The following UNC80 variants were observed in gnomAD, a reference collection of about 807,000 sequenced individuals.
UNC80 encodes the protein protein unc-80 homolog.
A neutral mutation model predicts 384.6 loss-of-function variants in UNC80; 164 were observed. That is an observed-to-expected ratio of 0.43 (90% CI 0.38 to 0.49). UNC80 has a LOEUF of 0.49. UNC80 is among the 20% of genes least tolerant of loss of function. The probability of loss-of-function intolerance (pLI) is 0.00; values close to 1 mark genes in which losing one functional copy is unlikely to be tolerated. For synonymous variants in UNC80, 1,486 were observed against 1,527.8 expected, an observed-to-expected ratio of 0.97 and a Z score of 0.64; for missense variants, 3,330 against 4,143.0, an observed-to-expected ratio of 0.80 and a Z score of 5.39.
intron 7 of UNC80, among the ~76,000 whole-genome samples, chr2:209,800,695 G>A (rs1050906578): frequency 5.9e-5 from 9 of 152,074 alleles, no homozygotes; most frequent in Non-Finnish European, 1.3e-4. Context: ...TGGACATTTA[G>A]TGCTATAAAT....
At chr2:209,930,162 A>G (rs1202415941) in intron 37 of UNC80, among the ~76,000 whole-genome samples, 191 bp downstream of exon 37, 3 of 152,028 alleles carry the variant, frequency 2.0e-5, no homozygotes, top group Non-Finnish European at 2.9e-5. Context: ...CCATTAATTC[A>G]TGTTTCTATA....
At chr2:209,993,478 A>G (rs1371806029) in intron 63 of UNC80, 52 bp downstream of exon 63, 1 of 1,483,800 alleles carries the variant, frequency 6.7e-7, no homozygotes, top group Non-Finnish European at 9.2e-7. Flanking sequence ...ATGCCATGCA[A>G]CTCACCCAGG....
In UNC80 at chr2:209,984,924, A is replaced by G. The variant is rs897898538; in HGVS notation, c.9314+12A>G. On this transcript the variant is annotated intron_variant, in intron 61 of 64. Coordinates refer to ENST00000673920, the MANE Select transcript of UNC80 (RefSeq NM_001371986.1). Reference sequence around the variant, plus strand: ...GGCAGCCTCTCTAGGTACAGTGTCAATGCTACCTGTCTATTGGTGTCTGTG... The same window carrying G: ...GGCAGCCTCTCTAGGTACAGTGTCAGTGCTACCTGTCTATTGGTGTCTGTG... 1.9e-5 allele frequency: 29 copies of G among 1,549,470 alleles called. No homozygotes were observed. The highest frequency in any genetic ancestry group is 1.7e-4 in the Middle Eastern group (1 of 5,984).
At position 209,927,102 on chromosome 2, in the gene UNC80, C is replaced by A. The variant is rs954711366; in HGVS notation, c.5806+116C>A. ...TGGCCACATGTTGAACTGTTTTATG[C>A]ACATATTATAATTACAGATTTGTAA... is the stretch of plus-strand genomic sequence containing the variant. On this transcript the variant is annotated intron_variant, in intron 36 of 64. Transcript: ENST00000673920. The A allele has an allele frequency of 6.3e-6, 7 of 1,114,140 alleles. No homozygotes were observed. The Admixed American group carries it at 1.5e-4, about 23-fold the overall frequency. The allele number at this position is 1,114,140 out of a possible 1,614,324, so 69.0% of individuals were successfully genotyped here. A position where few individuals can be genotyped will look rare whatever the true frequency, so the allele number is the denominator to read the frequency against.
chr2:209,986,959 C>T (rs1308123653), intron 61 of UNC80, among the ~76,000 whole-genome samples: 1 of 152,176 alleles, frequency 6.6e-6, no homozygotes, highest in Non-Finnish European at 1.5e-5. Context: ...GCTGCAGACT[C>T]TTAAAATCCT....
chr2:209,783,854 A>G (rs377673845), intron 4 of UNC80, among the ~76,000 whole-genome samples: 31 of 152,284 alleles, frequency 2.0e-4, no homozygotes, highest in Admixed American at 5.2e-4. Flanking sequence ...AGATTTGCTT[A>G]ATGTTAATTT....
At position 209,842,263 on chromosome 2, in the gene UNC80, C is replaced by T. The variant is rs1574690657; in HGVS notation, c.3358-87C>T. On this transcript the variant is annotated intron_variant, in intron 20 of 64. Transcript: ENST00000673920. The stretch of plus-strand genomic sequence containing the variant: ...TAATAGTATGAAAATGAGTAAACAA[C>T]TCATTTTCAAGTCAAGAGTTGATCT... 20 of 975,436 alleles carry T rather than the reference C, an allele frequency of 2.1e-5. No individual in the cohort carries two copies. In the Middle Eastern group the frequency reaches 1.1e-3, roughly 53 times the overall value. The allele number at this position is 975,436 out of a possible 1,614,324, so 60.4% of individuals were successfully genotyped here. A position where few individuals can be genotyped will look rare whatever the true frequency, so the allele number is the denominator to read the frequency against.
intron 25 of UNC80, 55 bp from the exon 26 acceptor site, chr2:209,888,040 C>A: frequency 1.3e-6 from 2 of 1,523,484 alleles, no homozygotes; most frequent in Non-Finnish European, 1.8e-6. Flanking sequence ...TGCCGCGAGA[C>A]CAATGCAGTG....
At chr2:209,912,072 C>T (rs559650882) in intron 29 of UNC80, among the ~76,000 whole-genome samples, 1 of 152,226 alleles carries the variant, frequency 6.6e-6, no homozygotes, top group African/African-American at 2.4e-5. Context: ...CCTAACACTT[C>T]TCTATGAAAT....
At chr2:209,864,639 C>T (rs780032535) in intron 22 of UNC80, among the ~76,000 whole-genome samples, 13 of 152,184 alleles carry the variant, frequency 8.5e-5, no homozygotes, top group African/African-American at 2.4e-4. Context: ...GCACTCTGGC[C>T]GCAGACTGCC....
intron 21 of UNC80, among the ~76,000 whole-genome samples, chr2:209,848,315 G>GA (rs199620650): frequency 0.013 from 1,945 of 151,840 alleles, 45 homozygotes; most frequent in African/African-American, 0.043. Flanking sequence ...ATACTAACTG[G>GA]AAAAAAACAC....
chr2:209,905,924 A>G (rs1387534836), intron 29 of UNC80, among the ~76,000 whole-genome samples: 1 of 152,226 alleles, frequency 6.6e-6, no homozygotes, highest in African/African-American at 2.4e-5. Context: ...GTCACAGCCA[A>G]GATGCCTGAC....
At position 209,945,079 on chromosome 2, in the gene UNC80, G is replaced by T. The variant is rs1180739805; in HGVS notation, c.7079G>T (p.Gly2360Val). Reference sequence around the variant, plus strand: ...GCTGCCAATAATGGGCCCAGCAAAGGTGTGTCAGCTCAGTGCCTGTTTGAC... The same window carrying T: ...GCTGCCAATAATGGGCCCAGCAAAGTTGTGTCAGCTCAGTGCCTGTTTGAC... ...PDAANNGPSK[G>V]VSAQCLFDLL... is the part of the protein sequence containing the mutation. Residue 2360 changes from glycine to valine, a missense_variant, in exon 46 of 65, where the codon GGT (glycine) becomes GTT (valine). Transcript: ENST00000673920. 1 of 1,551,490 alleles carries T rather than the reference G, an allele frequency of 6.4e-7. No individual in the cohort carries two copies. The highest frequency in any genetic ancestry group is 8.7e-7 in the Non-Finnish European group (1 of 1,146,806).
chr2:209,958,152 C>T (rs1292897117), intron 49 of UNC80, among the ~76,000 whole-genome samples: 1 of 152,176 alleles, frequency 6.6e-6, no homozygotes, highest in Admixed American at 6.5e-5. Flanking sequence ...TTCATCCAAA[C>T]TTTGACATAT....
intron 29 of UNC80, among the ~76,000 whole-genome samples, chr2:209,907,261 C>G (rs1378186380): frequency 2.0e-5 from 3 of 149,506 alleles, no homozygotes; most frequent in Non-Finnish European, 4.4e-5. Flanking sequence ...CCATGCTGAG[C>G]CCATACTTTG....
intron 22 of UNC80, among the ~76,000 whole-genome samples, chr2:209,861,739 A>C (rs1398468371): frequency 6.6e-6 from 1 of 152,112 alleles, no homozygotes; most frequent in African/African-American, 2.4e-5. Flanking sequence ...CAGGGATTCA[A>C]CTTCTTAGTG....
chr2:209,855,868 A>G (rs981377322), intron 22 of UNC80, among the ~76,000 whole-genome samples: 49 of 152,268 alleles, frequency 3.2e-4, no homozygotes, highest in East Asian at 1.7e-3. Context: ...TGAACATACC[A>G]CAATTTATAT....
chr2:209,870,105 A>G (rs1249048597), intron 22 of UNC80, among the ~76,000 whole-genome samples: 2 of 152,148 alleles, frequency 1.3e-5, no homozygotes, highest in Non-Finnish European at 2.9e-5. Context: ...CCTCTACCCC[A>G]TACATATGGT....
In UNC80 at chr2:209,849,425, CCTCCACCATGGCACCA is replaced by C. The variant is rs1559195101; in HGVS notation, c.3455-24_3455-9del. On this transcript the variant is annotated splice_polypyrimidine_tract_variant and intron_variant, in intron 21 of 64. Transcript: ENST00000673920. ...TCCTTTACGTTCTCTCTCTTTCATT[CCTCCACCATGGCACCA>C]CCTTTACAGGTTGCCACAGTTTTGA... 6.5e-7 allele frequency: 1 copy of C among 1,549,528 alleles called. No individual in the cohort carries two copies. Among genetic ancestry groups the C allele is most frequent in the Admixed American group, 2.0e-5 (1 of 50,920 alleles).
Sources: allele counts gnomAD v4.1 joint callset (sites outside exome capture counted in the v4.1 genomes callset), GRCh38; gene constraint gnomAD v4.1.1; transcripts MANE v1.5; gene names NCBI Gene and HGNC (gene_info 2026-07-23, HGNC 2026-07-21).